The following IQGAP2 variants were observed in gnomAD, a reference collection of about 807,000 sequenced individuals.
IQGAP2 encodes the protein ras GTPase-activating-like protein IQGAP2.
Under a neutral mutation model 201.3 loss-of-function variants are expected in IQGAP2, and 173 were observed. That is an observed-to-expected ratio of 0.86 (90% CI 0.76 to 0.98). The LOEUF (loss-of-function observed/expected upper bound fraction) is 0.98, where lower values mean the gene tolerates loss of function less well. Among genes scored for constraint, IQGAP2 ranks in the 50% least tolerant of loss-of-function variants. The pLI is 0.00. For synonymous variants in IQGAP2, 675 were observed against 673.9 expected (o/e 1.00, Z -0.03); for missense variants, 1,687 against 1,864.8 (o/e 0.90, Z 1.76).
At chr5:76,591,270 G>T (rs1746628991) in intron 8 of IQGAP2, among the ~76,000 whole-genome samples, 1 of 152,152 alleles carries the variant, frequency 6.6e-6, no homozygotes, top group Non-Finnish European at 1.5e-5. Context: ...GGTAGTAGAG[G>T]TTAATAATTC....
chr5:76,707,966 C>T lies in IQGAP2; in HGVS notation c.*653C>T, dbSNP rs765502094. On this transcript the variant is annotated 3_prime_UTR_variant, in exon 36 of 36. Coordinates refer to ENST00000274364, the MANE Select transcript of IQGAP2 (RefSeq NM_006633.5). ...GAGCCTTTAAGTGACTAAGGAACAACATAGATAGTGAGCATAGTCCCCACC... is the reference window on the plus strand; with the variant it reads ...GAGCCTTTAAGTGACTAAGGAACAATATAGATAGTGAGCATAGTCCCCACC... The T allele has an allele frequency of 6.6e-6, 1 of 152,628 alleles. No individual in the cohort carries two copies. Among genetic ancestry groups the T allele is most frequent in the Non-Finnish European group, 1.5e-5 (1 of 68,028 alleles). 9.5% of individuals were successfully genotyped at this position (152,628 alleles called of 1,614,324 possible).
intron 1 of IQGAP2, among the ~76,000 whole-genome samples, chr5:76,461,367 C>G (rs1405439684): frequency 1.0e-5 from 1 of 96,718 alleles, no homozygotes. Context: ...GTTCCTGTCT[C>G]AAAAAAAAAA....
intron 13 of IQGAP2, among the ~76,000 whole-genome samples, chr5:76,626,191 A>G (rs184836688): frequency 1.1e-3 from 164 of 148,966 alleles, no homozygotes; most frequent in Non-Finnish European, 2.0e-3. Context: ...TTTCTCACCT[A>G]TGTCTGGATC....
At chr5:76,635,521 A>G (rs1751053167) in intron 15 of IQGAP2, among the ~76,000 whole-genome samples, 1 of 152,110 alleles carries the variant, frequency 6.6e-6, no homozygotes, top group South Asian at 2.1e-4. Context: ...GAAAACATTT[A>G]TGAATCTGAC....
At chr5:76,449,454 A>C in intron 1 of IQGAP2, among the ~76,000 whole-genome samples, 1 of 152,172 alleles carries the variant, frequency 6.6e-6, no homozygotes, top group South Asian at 2.1e-4. Flanking sequence ...CTGAGGTACA[A>C]AGTCCTTCTT....
chr5:76,611,080 T>C lies in IQGAP2; in HGVS notation c.1418T>C (p.Leu473Ser), dbSNP rs1177797417. 3.7e-6 allele frequency: 6 copies of C among 1,613,912 alleles called. No homozygotes were observed. The highest frequency in any genetic ancestry group is 4.2e-6 in the Non-Finnish European group (5 of 1,179,800). ...AIDEGNPLRT[L>S]ETLLLPTANI... The stretch of plus-strand genomic sequence containing the variant: ...GATGAAGGGAATCCTTTGAGGACTT[T>C]AGAAACTTTGCTCCTACCTACTGCG... The change falls in exon 13 of 36, where the codon TTA becomes TCA. Residue 473 changes from leucine to serine, a missense_variant. Leu to Ser is a moderately radical substitution (Grantham distance 145). Transcript: ENST00000274364.
chr5:76,620,367 T>TG (rs2069666), intron 13 of IQGAP2, among the ~76,000 whole-genome samples: 57,954 of 151,856 alleles, frequency 0.38, 11,567 homozygotes, highest in Non-Finnish European at 0.47. Flanking sequence ...AGGGACTTGG[T>TG]TCTGATTGGC....
At chr5:76,487,055 T>A (rs10045331) in intron 2 of IQGAP2, among the ~76,000 whole-genome samples, 37,719 of 151,826 alleles carry the variant, frequency 0.25, 6,091 homozygotes, top group Middle Eastern at 0.42. Context: ...GTGACATTTT[T>A]ACACACTTTG....
intron 1 of IQGAP2, among the ~76,000 whole-genome samples, chr5:76,448,296 A>G (rs1003441033): frequency 6.6e-6 from 1 of 152,164 alleles, no homozygotes; most frequent in African/African-American, 2.4e-5. Context: ...AAGGGTGGAT[A>G]AGGAGATGAA....
At chr5:76,645,419 G>T (rs1160776410) in intron 17 of IQGAP2, among the ~76,000 whole-genome samples, 1 of 152,276 alleles carries the variant, frequency 6.6e-6, no homozygotes, top group African/African-American at 2.4e-5. Context: ...TTGAGGAATT[G>T]CCACACTGTC....
At chr5:76,538,115 G>A (rs1759729297) in intron 2 of IQGAP2, among the ~76,000 whole-genome samples, 1 of 152,186 alleles carries the variant, frequency 6.6e-6, no homozygotes, top group Non-Finnish European at 1.5e-5. Flanking sequence ...CACGGCAGAG[G>A]ATGAAGGAAG....
intron 12 of IQGAP2, among the ~76,000 whole-genome samples, chr5:76,608,607 A>T (rs1388386601): frequency 1.3e-5 from 2 of 152,170 alleles, no homozygotes; most frequent in African/African-American, 2.4e-5. Flanking sequence ...CTGAGATCTA[A>T]TTCCATATCT....
intron 2 of IQGAP2, among the ~76,000 whole-genome samples, chr5:76,476,944 TCTA>T (rs1755471667): frequency 1.3e-5 from 2 of 152,214 alleles, no homozygotes; most frequent in Non-Finnish European, 2.9e-5. Flanking sequence ...ACACTTAACT[TCTA>T]CTATATGCAA....
At chr5:76,634,122 TC>T (rs1306070831) in intron 15 of IQGAP2, among the ~76,000 whole-genome samples, 1 of 152,182 alleles carries the variant, frequency 6.6e-6, no homozygotes, top group East Asian at 1.9e-4. Context: ...TGTGCTGCCA[TC>T]CGCCTTAATA....
intron 14 of IQGAP2, among the ~76,000 whole-genome samples, chr5:76,629,771 C>G (rs575327409): frequency 9.2e-5 from 14 of 152,236 alleles, no homozygotes; most frequent in African/African-American, 3.1e-4. Context: ...TTAAGAGAGC[C>G]TGCTGGTATA....
chr5:76,594,862 A>G (rs540642384), intron 9 of IQGAP2, among the ~76,000 whole-genome samples: 85 of 152,178 alleles, frequency 5.6e-4, no homozygotes, highest in Non-Finnish European at 4.6e-4. Flanking sequence ...GCTACTTGGG[A>G]GGCTGAGACA....
chr5:76,489,569 C>A (rs1408025328), intron 2 of IQGAP2, among the ~76,000 whole-genome samples: 3 of 152,132 alleles, frequency 2.0e-5, no homozygotes, highest in African/African-American at 7.2e-5. Flanking sequence ...TCAAGCAATT[C>A]TTGTGCCTCG....
chr5:76,644,407 C>T (rs938470642), intron 17 of IQGAP2, among the ~76,000 whole-genome samples: 1 of 148,416 alleles, frequency 6.7e-6, no homozygotes, highest in Non-Finnish European at 1.5e-5. Context: ...TCAAGTGATT[C>T]TCATGCCTCA....
At chr5:76,518,368 G>C (rs1296714732) in intron 2 of IQGAP2, among the ~76,000 whole-genome samples, 3 of 152,134 alleles carry the variant, frequency 2.0e-5, no homozygotes, top group Non-Finnish European at 4.4e-5. Context: ...GATGGCAGCA[G>C]GCAAAAATAG....
Sources: gnomAD v4.1 joint callset for allele counts (sites outside exome capture counted in the v4.1 genomes callset) on GRCh38, gnomAD v4.1.1 for gene constraint, MANE v1.5 for transcripts, NCBI Gene and HGNC (gene_info 2026-07-23, HGNC 2026-07-21) for gene names.